Variants in TBC1D22A observed in about 807,000 individuals in gnomAD.
TBC1D22A encodes putative GTPase activator.
In TBC1D22A, 38 loss-of-function variants were observed where a neutral mutation model predicts 60.2. The observed-to-expected ratio is 0.63, with a 90% CI of 0.49 to 0.83. The LOEUF (loss-of-function observed/expected upper bound fraction) is 0.83, where lower values mean the gene tolerates loss of function less well. Ranked by LOEUF, TBC1D22A falls within the 40% of genes least tolerant of loss-of-function variation. TBC1D22A has a pLI of 0.00. For synonymous variants in TBC1D22A, 302 were observed against 281.7 expected, an observed-to-expected ratio of 1.07 and a Z score of -0.72; for missense variants, 628 against 701.0, an observed-to-expected ratio of 0.90 and a Z score of 1.18.
chr22:47,096,862 T>TG (rs1161344729), intron 11 of TBC1D22A, among the ~76,000 whole-genome samples: 2 of 152,226 alleles, frequency 1.3e-5, no homozygotes, highest in Non-Finnish European at 2.9e-5. Context: ...GTATATCCTT[T>TG]GTGTCCTGAA....
chr22:47,025,120 T>A (rs2062212848), intron 10 of TBC1D22A, among the ~76,000 whole-genome samples: 1 of 152,014 alleles, frequency 6.6e-6, no homozygotes, highest in Admixed American at 6.5e-5. Flanking sequence ...CACAGCAAAA[T>A]CAGATAAAAA....
chr22:47,166,377 T>C (rs1316842751), intron 12 of TBC1D22A, among the ~76,000 whole-genome samples: 1 of 152,240 alleles, frequency 6.6e-6, no homozygotes, highest in Non-Finnish European at 1.5e-5. Context: ...TTAATTTTAA[T>C]AAAATATTTA....
At chr22:47,096,835 ATAAAT>A (rs984462579) in intron 11 of TBC1D22A, among the ~76,000 whole-genome samples, 29 of 152,332 alleles carry the variant, frequency 1.9e-4, no homozygotes, top group African/African-American at 6.3e-4. Flanking sequence ...AAAAATAAAA[ATAAAT>A]AAATAAATAA....
chr22:47,073,994 A>G (rs1439292173), intron 11 of TBC1D22A, among the ~76,000 whole-genome samples: 1 of 152,046 alleles, frequency 6.6e-6, no homozygotes, highest in African/African-American at 2.4e-5. Context: ...GGTGGCATAC[A>G]CCTCTGGTCT....
chr22:46,836,298 A>G (rs1304156434), intron 4 of TBC1D22A, among the ~76,000 whole-genome samples: 9 of 152,240 alleles, frequency 5.9e-5, no homozygotes, highest in African/African-American at 2.2e-4. Context: ...GATGTAAATT[A>G]ATTATGGTAT....
chr22:47,111,125 G>A (rs548140890), intron 11 of TBC1D22A, among the ~76,000 whole-genome samples: 55 of 152,334 alleles, frequency 3.6e-4, no homozygotes, highest in African/African-American at 1.2e-3. Context: ...TGTGGAGTGG[G>A]AGGAGGCCTC....
intron 10 of TBC1D22A, among the ~76,000 whole-genome samples, chr22:47,010,513 C>T (rs139414610): frequency 6.6e-6 from 1 of 152,324 alleles, no homozygotes; most frequent in African/African-American, 2.4e-5. Context: ...TGTGTGCTGG[C>T]AAGGGCTGCA....
At chr22:47,139,414 G>A (rs1417995139) in intron 12 of TBC1D22A, among the ~76,000 whole-genome samples, 6 of 152,212 alleles carry the variant, frequency 3.9e-5, no homozygotes, top group African/African-American at 9.6e-5. Context: ...AACATGAGCC[G>A]TGGAGGGCTC....
At chr22:47,052,695 C>G (rs1370814669) in intron 11 of TBC1D22A, among the ~76,000 whole-genome samples, 1 of 152,228 alleles carries the variant, frequency 6.6e-6, no homozygotes, top group African/African-American at 2.4e-5. Flanking sequence ...CTGAGCAGGA[C>G]TCCTGTCGGC....
intron 10 of TBC1D22A, among the ~76,000 whole-genome samples, chr22:47,013,469 C>T (rs1041660118): frequency 5.9e-5 from 9 of 152,130 alleles, no homozygotes; most frequent in Non-Finnish European, 7.3e-5. Flanking sequence ...GTCGTGGTTT[C>T]GAATATAGGC....
At chr22:46,868,227 A>AATG (rs1271935047) in intron 4 of TBC1D22A, among the ~76,000 whole-genome samples, 1 of 152,178 alleles carries the variant, frequency 6.6e-6, no homozygotes, top group Admixed American at 6.5e-5. Flanking sequence ...TAGAGTCAGG[A>AATG]ATGATGATGA....
chr22:46,867,860 A>G (rs1335617150), intron 4 of TBC1D22A, among the ~76,000 whole-genome samples: 1 of 152,258 alleles, frequency 6.6e-6, no homozygotes, highest in Non-Finnish European at 1.5e-5. Flanking sequence ...GGAAACATTT[A>G]AAAAAGCCAC....
chr22:47,083,736 C>G (rs951414261), intron 11 of TBC1D22A, among the ~76,000 whole-genome samples: 3 of 152,064 alleles, frequency 2.0e-5, no homozygotes, highest in Non-Finnish European at 2.9e-5. Flanking sequence ...AAGAACCATC[C>G]CACACACTGG....
At chr22:46,984,833 GGA>G (rs938070947) in intron 9 of TBC1D22A, among the ~76,000 whole-genome samples, 2 of 152,358 alleles carry the variant, frequency 1.3e-5, no homozygotes, top group African/African-American at 4.8e-5. Flanking sequence ...GACTCGGGGT[GGA>G]GTGGACTCTG....
At chr22:46,883,033 T>C (rs1309408664) in intron 5 of TBC1D22A, among the ~76,000 whole-genome samples, 1 of 152,268 alleles carries the variant, frequency 6.6e-6, no homozygotes, top group Non-Finnish European at 1.5e-5. Context: ...TTACATTTTA[T>C]GCAAGCAGGG....
At chr22:46,975,158 A>G (rs2074246152) in intron 9 of TBC1D22A, among the ~76,000 whole-genome samples, 1 of 152,070 alleles carries the variant, frequency 6.6e-6, no homozygotes. Context: ...AGTTTATTTG[A>G]GGCCAGTACA....
chr22:46,943,216 C>T (rs1043245495), intron 8 of TBC1D22A, among the ~76,000 whole-genome samples: 17 of 152,084 alleles, frequency 1.1e-4, no homozygotes, highest in African/African-American at 3.1e-4. Flanking sequence ...CCAGCCTCCC[C>T]GCGGCATCCA....
At chr22:47,109,334 A>C (rs2065759277) in intron 11 of TBC1D22A, among the ~76,000 whole-genome samples, 1 of 152,242 alleles carries the variant, frequency 6.6e-6, no homozygotes, top group African/African-American at 2.4e-5. Context: ...GATTATAAGC[A>C]GACAAAAAAA....
Position 47,128,865 on chromosome 22 carries a change from A to G in TBC1D22A, c.1425+17262A>G, listed in dbSNP as rs2066587410. Among the ~76,000 whole-genome samples the G allele has an allele frequency of 2.6e-5, 4 of 152,298 alleles. No individual in the cohort carries two copies. The South Asian group carries it at 8.3e-4, about 32-fold the overall frequency. The stretch of plus-strand genomic sequence containing the variant: ...GTCCCATCAAGATCCCCGGCTCTTC[A>G]TGAAGTCACACTTGGCAATATGCAT... On this transcript the variant is annotated intron_variant, in intron 12 of 12. Coordinates refer to ENST00000337137, the MANE Select transcript of TBC1D22A (RefSeq NM_014346.5).
Sources: allele counts gnomAD v4.1 joint callset (sites outside exome capture counted in the v4.1 genomes callset), GRCh38; gene constraint gnomAD v4.1.1; transcripts MANE v1.5; gene names NCBI Gene and HGNC (gene_info 2026-07-23, HGNC 2026-07-21).